HAPLN1: variants seen among roughly 807,000 people sequenced by gnomAD.
HAPLN1 encodes Cartilage link protein.
HAPLN1 carries 13 observed loss-of-function variants against 36.5 expected under a neutral mutation model. The observed-to-expected ratio is 0.36, with a 90% confidence interval of 0.23 to 0.57. The LOEUF is 0.57. HAPLN1 is among the 20% of genes least tolerant of loss of function. The pLI is 0.83. For missense variants in HAPLN1, 407 were observed against 439.7 expected, an observed-to-expected ratio of 0.93 and a Z score of 0.66; for synonymous variants, 202 against 169.8, an observed-to-expected ratio of 1.19 and a Z score of -1.48.
At chr5:83,697,477 T>C (rs577268077) in intron 1 of HAPLN1, among the ~76,000 whole-genome samples, 3 of 151,154 alleles carry the variant, frequency 2.0e-5, no homozygotes, top group African/African-American at 7.2e-5. Flanking sequence ...ACTTTTGGGC[T>C]TTAATGAATA....
At chr5:83,665,646 A>G (rs1750531145) in intron 2 of HAPLN1, among the ~76,000 whole-genome samples, 1 of 152,200 alleles carries the variant, frequency 6.6e-6, no homozygotes, top group African/African-American at 2.4e-5. Context: ...TTGTTCTAAC[A>G]TACTTCATTC....
chr5:83,651,545 A>G (rs926356759), intron 3 of HAPLN1, among the ~76,000 whole-genome samples: 2 of 152,270 alleles, frequency 1.3e-5, no homozygotes, highest in Non-Finnish European at 2.9e-5. Flanking sequence ...ATAAATCTCC[A>G]TATATGTGAT....
intron 2 of HAPLN1, among the ~76,000 whole-genome samples, chr5:83,667,795 ACAGGATAG>A (rs1285197590): frequency 1.3e-5 from 2 of 152,224 alleles, no homozygotes; most frequent in East Asian, 3.8e-4. Flanking sequence ...TACATAAGGA[ACAGGATAG>A]CATTTCAGTG....
At chr5:83,671,406 T>C (rs781421708) in intron 2 of HAPLN1, among the ~76,000 whole-genome samples, 1 of 152,208 alleles carries the variant, frequency 6.6e-6, no homozygotes, top group Non-Finnish European at 1.5e-5. Flanking sequence ...CTTCAAAAAA[T>C]TTGTGAGGAT....
intron 1 of HAPLN1, among the ~76,000 whole-genome samples, chr5:83,715,573 A>AAGCACT (rs1415392323): frequency 1.3e-5 from 2 of 152,226 alleles, no homozygotes; most frequent in East Asian, 3.9e-4. Flanking sequence ...TGCAAATGGT[A>AAGCACT]AGCACTAAAT....
At chr5:83,698,645 C>A (rs1751443699) in intron 1 of HAPLN1, among the ~76,000 whole-genome samples, 1 of 152,118 alleles carries the variant, frequency 6.6e-6, no homozygotes, top group Admixed American at 6.5e-5. Flanking sequence ...TTCTATGGTG[C>A]TTTACATATA....
Position 83,639,104 on chromosome 5 carries a change from A to T in HAPLN1, c.*2392T>A, listed in dbSNP as rs1399873148. The T allele has an allele frequency of 6.6e-6, 1 of 152,070 alleles. No homozygotes were observed. Among genetic ancestry groups the T allele is most frequent in the African/African-American group, 2.4e-5 (1 of 41,452 alleles). The allele number at this position is 152,070 out of a possible 1,614,324, so 9.4% of individuals were successfully genotyped here. ...TAACCTTTCTTTTTCAGACCTGCTC[A>T]GTGAGACATCTTGGGGAATGAAGTA... On this transcript the variant is annotated 3_prime_UTR_variant, in exon 5 of 5. Coordinates refer to ENST00000274341, the MANE Select transcript of HAPLN1 (RefSeq NM_001884.4).
intron 3 of HAPLN1, among the ~76,000 whole-genome samples, chr5:83,645,544 T>C (rs1749849460): frequency 6.7e-6 from 1 of 148,358 alleles, no homozygotes; most frequent in Non-Finnish European, 1.5e-5. Context: ...CCCAAGACAG[T>C]TCTTCTTCCA....
At position 83,657,805 on chromosome 5, in the gene HAPLN1, T is replaced by TA. The variant is rs552632849; in HGVS notation, c.101-4982dup. Among the ~76,000 whole-genome samples, 1,171 of 136,546 alleles carry TA rather than the reference T, an allele frequency of 8.6e-3. 6 individuals carry two copies. The highest frequency in any genetic ancestry group is 0.011 in the Non-Finnish European group (701 of 62,384). The allele number at this position is 136,546 out of a possible 152,430, so 89.6% of individuals were successfully genotyped here. On this transcript the variant is annotated intron_variant, in intron 2 of 4. Coordinates refer to ENST00000274341, the MANE Select transcript of HAPLN1 (RefSeq NM_001884.4). ...TTGGATTTCCTAGATCAATAATAAT[T>TA]AAAAAAAAAAAAAACCCAACTGGGG...
chr5:83,699,230 A>G (rs1309639892), intron 1 of HAPLN1, among the ~76,000 whole-genome samples: 2 of 152,208 alleles, frequency 1.3e-5, no homozygotes, highest in African/African-American at 2.4e-5. Flanking sequence ...TCAAACAACT[A>G]TTGAAGGAGA....
At chr5:83,712,713 TA>T (rs1046500038) in intron 1 of HAPLN1, among the ~76,000 whole-genome samples, 1 of 152,022 alleles carries the variant, frequency 6.6e-6, no homozygotes, top group African/African-American at 2.4e-5. Flanking sequence ...CAGGTTTAGT[TA>T]AAAAAATACA....
chr5:83,705,116 G>A (rs544086017), intron 1 of HAPLN1, among the ~76,000 whole-genome samples: 14 of 152,230 alleles, frequency 9.2e-5, no homozygotes, highest in East Asian at 3.9e-4. Flanking sequence ...TTGGCCAGGC[G>A]CAGTGGCTCA....
At position 83,673,431 on chromosome 5, in the gene HAPLN1, G is replaced by A; in HGVS notation, c.93C>T (p.His31=). ...GAAGCTGTGTTTCCTTACCTTGGATGTGAATAGCTCTGTCATGATCCAGAG... is the reference window on the plus strand; with the variant it reads ...GAAGCTGTGTTTCCTTACCTTGGATATGAATAGCTCTGTCATGATCCAGAG... ...NYTLDHDRAI[H]IQAENGPHLL... Residue 31 remains histidine, a synonymous_variant, in exon 2 of 5, where the codon CAC becomes CAT. Coordinates refer to ENST00000274341, the MANE Select transcript of HAPLN1 (RefSeq NM_001884.4). The A allele has an allele frequency of 6.3e-7, 1 of 1,589,676 alleles. No homozygotes were observed. Among genetic ancestry groups the A allele is most frequent in the Non-Finnish European group, 8.6e-7 (1 of 1,169,298 alleles).
rs1749660615 is a variant in HAPLN1 at position 83,640,764 on chromosome 5, G to A, written c.*732C>T. ...TCAAAAGATAAAACAATTCCTCTTA[G>A]ACATGTGTAATTTTAATTATAAGAA... is the stretch of plus-strand genomic sequence containing the variant. On this transcript the variant is annotated 3_prime_UTR_variant, in exon 5 of 5. Coordinates refer to ENST00000274341, the MANE Select transcript of HAPLN1 (RefSeq NM_001884.4). 1 of 152,006 alleles carries A rather than the reference G, an allele frequency of 6.6e-6. No individual in the cohort carries two copies. Among genetic ancestry groups the A allele is most frequent in the African/African-American group, 2.4e-5 (1 of 41,388 alleles). 9.4% of individuals were successfully genotyped at this position (152,006 alleles called of 1,614,324 possible).
Position 83,641,502 on chromosome 5 carries a change from G to T in HAPLN1, c.1059C>A (p.Tyr353Ter). 1 of 1,600,960 alleles carries T rather than the reference G, an allele frequency of 6.2e-7. No homozygotes were observed. Among genetic ancestry groups the T allele is most frequent in the Non-Finnish European group, 8.5e-7 (1 of 1,170,812 alleles). The change falls in exon 5 of 5, where the codon TAC becomes TAA. Residue 353 changes from tyrosine (Y) to a stop codon, truncating the protein, a stop_gained. Transcript: ENST00000274341. LOFTEE classifies it high-confidence loss of function. ...ATGCGCTCTAAGGGCACATTCAGTT[G>T]TATGCTCTGAAGCAGTAGACACCAT... ...KLYGVYCFRA[Y>*]N is the part of the protein sequence containing the mutation.
rs183867784 is a variant in HAPLN1, at chr5:83,663,413, G to A, written c.100+10011C>T. Among the ~76,000 whole-genome samples the A allele has an allele frequency of 1.2e-4, 18 of 152,162 alleles. No individual in the cohort carries two copies. In the East Asian group the frequency reaches 2.5e-3, roughly 21 times the overall value. On this transcript the variant is annotated intron_variant, in intron 2 of 4. Transcript: ENST00000274341. ...TGCATTTTCCTTTATCCCACCTGTC[G>A]GTATTGAGGGTCTTCAAAACTCATA...
At chr5:83,712,148 G>A (rs1166370704) in intron 1 of HAPLN1, among the ~76,000 whole-genome samples, 1 of 152,136 alleles carries the variant, frequency 6.6e-6, no homozygotes, top group Non-Finnish European at 1.5e-5. Flanking sequence ...AAATGGTCAA[G>A]CTGGACTTTT....
chr5:83,713,410 AG>A (rs1751840107), intron 1 of HAPLN1, among the ~76,000 whole-genome samples: 1 of 152,210 alleles, frequency 6.6e-6, no homozygotes, highest in African/African-American at 2.4e-5. Flanking sequence ...TAAAATAAAA[AG>A]TTAAATTCAT....
chr5:83,671,758 C>A lies in HAPLN1; in HGVS notation c.100+1666G>T, dbSNP rs915308079. Among the ~76,000 whole-genome samples, 3 of 152,168 alleles carry A rather than the reference C, an allele frequency of 2.0e-5. No homozygotes were observed. The South Asian group carries it at 6.2e-4, about 32-fold the overall frequency. On this transcript the variant is annotated intron_variant, in intron 2 of 4. Transcript: ENST00000274341. ...ATTTCAGCATTAAATTTCCACAAGCCAAATATAGTTCTATTACTTGAAAGC... is the reference window on the plus strand; with the variant it reads ...ATTTCAGCATTAAATTTCCACAAGCAAAATATAGTTCTATTACTTGAAAGC...
Sources: allele counts gnomAD v4.1 joint callset (sites outside exome capture counted in the v4.1 genomes callset), GRCh38; gene constraint gnomAD v4.1.1; transcripts MANE v1.5; gene names NCBI Gene and HGNC (gene_info 2026-07-23, HGNC 2026-07-21).